KCND2: variants seen among roughly 807,000 people sequenced by gnomAD.
The protein encoded by KCND2 is potassium voltage-gated channel subfamily D member 2.
In KCND2, 16 loss-of-function variants were observed where a neutral mutation model predicts 54.4. That is an observed-to-expected ratio of 0.29 (90% confidence interval 0.20 to 0.45). The LOEUF (loss-of-function observed/expected upper bound fraction) is 0.45. KCND2 is among the 20% of genes least tolerant of loss of function. The probability of loss-of-function intolerance (pLI) is 1.00; values close to 1 mark genes in which losing one functional copy is unlikely to be tolerated. For missense variants in KCND2, 486 were observed against 824.2 expected, an observed-to-expected ratio of 0.59 and a Z score of 5.02; for synonymous variants, 317 against 310.7, an observed-to-expected ratio of 1.02 and a Z score of -0.21.
In KCND2 at chr7:120,745,904, CACG is replaced by C; in HGVS notation, c.1598_1600del (p.Arg533del). 3 of 1,613,888 alleles carry C rather than the reference CACG, an allele frequency of 1.9e-6. No homozygotes were observed. Among genetic ancestry groups the C allele is most frequent in the Non-Finnish European group, 2.5e-6 (3 of 1,179,852 alleles). ...CAAGGAGTCACCAGCACCTGCTGTT[CACG>C]ACGACACAAAAAAACTTTTCGCATC... is the stretch of plus-strand genomic sequence containing the variant. On this transcript the variant is annotated inframe_deletion, in exon 5 of 6. Coordinates refer to ENST00000331113, the MANE Select transcript of KCND2 (RefSeq NM_012281.3).
intron 1 of KCND2, among the ~76,000 whole-genome samples, chr7:120,313,457 T>C (rs1025918472): frequency 5.9e-5 from 9 of 152,298 alleles, no homozygotes; most frequent in African/African-American, 2.2e-4. Flanking sequence ...AGAAATATTA[T>C]TAAAATTTTA....
intron 1 of KCND2, among the ~76,000 whole-genome samples, chr7:120,373,750 T>G (rs17323760): frequency 0.11 from 16,366 of 151,840 alleles, 914 homozygotes; most frequent in Admixed American, 0.13. Flanking sequence ...GGCTTTTTCT[T>G]TAAAAATTTA....
chr7:120,665,557 A>T (rs144538741), intron 1 of KCND2, among the ~76,000 whole-genome samples: 2 of 152,128 alleles, frequency 1.3e-5, no homozygotes, highest in African/African-American at 4.8e-5. Context: ...CCTTCAGGGT[A>T]TGAAGGCAGG....
chr7:120,726,062 T>C (rs772476234), intron 1 of KCND2, among the ~76,000 whole-genome samples: 2 of 152,182 alleles, frequency 1.3e-5, no homozygotes, highest in Non-Finnish European at 2.9e-5. Context: ...AAGTTAACAG[T>C]AGCTCATAAT....
At chr7:120,717,759 T>A (rs751221320) in intron 1 of KCND2, among the ~76,000 whole-genome samples, 1 of 152,030 alleles carries the variant, frequency 6.6e-6, no homozygotes, top group African/African-American at 2.4e-5. Context: ...TTCCTCTAGA[T>A]TCAGTTCAAA....
In KCND2 at chr7:120,426,381, A is replaced by G. The variant is rs146085178; in HGVS notation, c.1115+150634A>G. Among the ~76,000 whole-genome samples, 16 of 152,270 alleles carry G rather than the reference A, an allele frequency of 1.1e-4. No homozygotes were observed. In the East Asian group the frequency reaches 2.5e-3, roughly 24 times the overall value. On this transcript the variant is annotated intron_variant, in intron 1 of 5. Transcript: ENST00000331113. ...TTTCTTCATGTTCCAACAGATTTAT[A>G]TAACTTTGAAAAGATTACATTTTTG...
intron 1 of KCND2, among the ~76,000 whole-genome samples, chr7:120,394,223 G>A (rs750880656): frequency 1.1e-4 from 16 of 151,904 alleles, no homozygotes; most frequent in Non-Finnish European, 1.5e-4. Context: ...TCAGAAGTTC[G>A]GGTTTTTCAA....
At chr7:120,313,503 T>C (rs1799769146) in intron 1 of KCND2, among the ~76,000 whole-genome samples, 1 of 152,056 alleles carries the variant, frequency 6.6e-6, no homozygotes, top group African/African-American at 2.4e-5. Flanking sequence ...ATAGAAAGCA[T>C]AGTTATAGTT....
chr7:120,626,043 G>T (rs188344910), intron 1 of KCND2, among the ~76,000 whole-genome samples: 104 of 152,116 alleles, frequency 6.8e-4, no homozygotes, highest in South Asian at 1.9e-3. Flanking sequence ...ATTATTCTAA[G>T]AACATTTATA....
Position 120,630,520 on chromosome 7 carries a change from G to A in KCND2, c.1116-102383G>A, listed in dbSNP as rs543312851. 2.0e-5 allele frequency among the ~76,000 whole-genome samples: 3 copies of A among 152,120 alleles called. No individual in the cohort carries two copies. The South Asian group carries it at 6.2e-4, about 32-fold the overall frequency. On this transcript the variant is annotated intron_variant, in intron 1 of 5. Transcript: ENST00000331113. ...AGAAACTGTTATACCAAAATGTTCG[G>A]ATTTTTTATATTTCATAACAGCTTA...
At chr7:120,505,096 C>A (rs1216412981) in intron 1 of KCND2, among the ~76,000 whole-genome samples, 1 of 151,754 alleles carries the variant, frequency 6.6e-6, no homozygotes, top group Non-Finnish European at 1.5e-5. Context: ...TATGTATTCT[C>A]ATGAAATATA....
intron 1 of KCND2, among the ~76,000 whole-genome samples, chr7:120,458,870 T>C (rs1007265114): frequency 6.6e-6 from 1 of 150,552 alleles, no homozygotes; most frequent in Non-Finnish European, 1.5e-5. Flanking sequence ...TTAGCATTAT[T>C]ATTATTATGG....
chr7:120,274,850 A>T lies in KCND2; in HGVS notation c.218A>T (p.Asp73Val). Residue 73 changes from aspartate (D) to valine (V), a missense_variant, in exon 1 of 6, where the codon GAC becomes GTC. Physicochemically the swap from Asp to Val is radical, Grantham distance 152 (BLOSUM62 -3). Transcript: ENST00000331113. ...ACTCTACTGGGCAGTTCTGAGAGGG[A>T]CTTTTTCTACCACCCAGAAACTCAG... The part of the protein sequence containing the change: ...PDTLLGSSER[D>V]FFYHPETQQY... 1 of 1,613,982 alleles carries T rather than the reference A, an allele frequency of 6.2e-7. No individual in the cohort carries two copies. Among genetic ancestry groups the T allele is most frequent in the Non-Finnish European group, 8.5e-7 (1 of 1,179,976 alleles).
intron 1 of KCND2, among the ~76,000 whole-genome samples, chr7:120,591,508 G>A (rs1400990345): frequency 6.6e-6 from 1 of 152,180 alleles, no homozygotes. Context: ...ATAAAGTAAT[G>A]CAGTGGAAAG....
intron 1 of KCND2, among the ~76,000 whole-genome samples, chr7:120,678,482 T>G (rs1367210505): frequency 2.0e-5 from 3 of 147,072 alleles, no homozygotes; most frequent in African/African-American, 7.4e-5. Flanking sequence ...CTTACATACA[T>G]ACACATAAAT....
intron 1 of KCND2, among the ~76,000 whole-genome samples, chr7:120,466,879 A>G (rs926045385): frequency 2.0e-5 from 3 of 152,098 alleles, no homozygotes; most frequent in East Asian, 1.9e-4. Flanking sequence ...ACTTCTACCT[A>G]TCACCTACAT....
intron 1 of KCND2, among the ~76,000 whole-genome samples, chr7:120,683,023 G>A (rs191342020): frequency 5.3e-5 from 8 of 152,230 alleles, no homozygotes; most frequent in Non-Finnish European, 8.8e-5. Context: ...TATGCTGTTG[G>A]CTAAAACATC....
intron 1 of KCND2, among the ~76,000 whole-genome samples, chr7:120,446,763 C>T (rs1328079244): frequency 2.0e-5 from 3 of 152,222 alleles, no homozygotes; most frequent in South Asian, 2.1e-4. Context: ...TAGGGGAAGG[C>T]GGATGGCAGA....
At chr7:120,284,103 C>A (rs1197897895) in intron 1 of KCND2, among the ~76,000 whole-genome samples, 1 of 152,082 alleles carries the variant, frequency 6.6e-6, no homozygotes, top group Non-Finnish European at 1.5e-5. Flanking sequence ...GGTATGCTTT[C>A]CAGATGAACA....
Sources: allele counts gnomAD v4.1 joint callset (sites outside exome capture counted in the v4.1 genomes callset), GRCh38; gene constraint gnomAD v4.1.1; transcripts MANE v1.5; gene names NCBI Gene and HGNC (gene_info 2026-07-23, HGNC 2026-07-21).